The following HMBOX1 variants were observed in gnomAD, a reference collection of about 807,000 sequenced individuals.
HMBOX1 encodes homeobox containing 1.
A neutral mutation model predicts 54.5 loss-of-function variants in HMBOX1; 14 were observed. That is an observed-to-expected ratio of 0.26 (90% CI 0.17 to 0.40). The LOEUF is 0.40. Ranked by LOEUF, HMBOX1 falls within the 10% of genes least tolerant of loss-of-function variation. The pLI is 1.00. For synonymous variants in HMBOX1, 160 were observed against 181.0 expected (o/e 0.88, Z 0.93); for missense variants, 332 against 514.4 (o/e 0.65, Z 3.43).
At chr8:28,973,423 G>A (rs1414793458) in intron 3 of HMBOX1, among the ~76,000 whole-genome samples, 1 of 152,152 alleles carries the variant, frequency 6.6e-6, no homozygotes, top group Non-Finnish European at 1.5e-5. Context: ...AGTATGAATT[G>A]CCTTAATGGG....
intron 6 of HMBOX1, among the ~76,000 whole-genome samples, chr8:29,030,595 A>G (rs1452918943): frequency 6.6e-6 from 1 of 152,244 alleles, no homozygotes; most frequent in African/African-American, 2.4e-5. Flanking sequence ...TATTAAAATT[A>G]TATCACTCTA....
chr8:29,049,718 C>T (rs76052085), intron 9 of HMBOX1: 5,575 of 226,546 alleles, frequency 0.025, 143 homozygotes, highest in African/African-American at 0.075. Context: ...AGTCCCTCCT[C>T]GACCCCCACA....
intron 4 of HMBOX1, among the ~76,000 whole-genome samples, chr8:29,005,429 A>G (rs984579570): frequency 1.3e-5 from 2 of 152,250 alleles, no homozygotes; most frequent in African/African-American, 4.8e-5. Flanking sequence ...TGTTGTTACT[A>G]TACAGAATTT....
intron 1 of HMBOX1, among the ~76,000 whole-genome samples, chr8:28,926,720 A>G (rs925404858): frequency 1.2e-4 from 18 of 152,088 alleles, no homozygotes; most frequent in African/African-American, 3.6e-4. Flanking sequence ...AGTGTATACC[A>G]CCATGCCTAG....
intron 4 of HMBOX1, among the ~76,000 whole-genome samples, chr8:29,001,758 A>C (rs1293609981): frequency 6.6e-6 from 1 of 152,238 alleles, no homozygotes; most frequent in Non-Finnish European, 1.5e-5. Context: ...CTGTTTGTAA[A>C]ATATAACTCA....
At chr8:28,995,193 C>T (rs897992430) in intron 4 of HMBOX1, among the ~76,000 whole-genome samples, 1 of 152,262 alleles carries the variant, frequency 6.6e-6, no homozygotes. Context: ...CTGGTATGTA[C>T]TAATATACTT....
chr8:28,948,674 C>A (rs2132099319), intron 1 of HMBOX1, among the ~76,000 whole-genome samples: 1 of 152,260 alleles, frequency 6.6e-6, no homozygotes, highest in Admixed American at 6.5e-5. Flanking sequence ...AAGCACTAAC[C>A]TGGGAATCAG....
intron 4 of HMBOX1, among the ~76,000 whole-genome samples, chr8:28,992,631 G>T (rs114784481): frequency 1.1e-4 from 17 of 152,168 alleles, no homozygotes; most frequent in African/African-American, 4.1e-4. Flanking sequence ...AGCACTCTGG[G>T]AATCCGAGTG....
At chr8:28,925,013 T>A (rs1818207382) in intron 1 of HMBOX1, among the ~76,000 whole-genome samples, 1 of 137,998 alleles carries the variant, frequency 7.2e-6, no homozygotes, top group African/African-American at 3.0e-5. Context: ...TATTAGTGAT[T>A]TTTTTTTTTT....
At chr8:29,017,290 G>A (rs1355299125) in intron 5 of HMBOX1, among the ~76,000 whole-genome samples, 1 of 152,162 alleles carries the variant, frequency 6.6e-6, no homozygotes, top group Non-Finnish European at 1.5e-5. Flanking sequence ...CATTTTAGGA[G>A]ACCTAGGCAG....
At chr8:28,927,848 A>AAG (rs1481920237) in intron 1 of HMBOX1, among the ~76,000 whole-genome samples, 9 of 150,322 alleles carry the variant, frequency 6.0e-5, no homozygotes, top group Admixed American at 6.6e-5. Flanking sequence ...AAAAAAAAAA[A>AAG]AAAAAAAGCC....
intron 1 of HMBOX1, among the ~76,000 whole-genome samples, chr8:28,913,157 T>G (rs767402916): frequency 6.6e-6 from 1 of 152,190 alleles, no homozygotes. Context: ...TCCCTAGTGC[T>G]GGTCTTGCCC....
rs35597688 is a variant in HMBOX1, at chr8:29,026,043, TACACACACACAC to T, written c.851+7158_851+7169del. Among the ~76,000 whole-genome samples the T allele has an allele frequency of 3.8e-4, 54 of 143,580 alleles. 1 individual carries two copies. Among genetic ancestry groups the T allele is most frequent in the Admixed American group, 2.7e-3 (39 of 14,340 alleles). The allele number at this position is 143,580 out of a possible 152,430, so 94.2% of individuals were successfully genotyped here. A position where few individuals can be genotyped will look rare whatever the true frequency, so the allele number is the denominator to read the frequency against. ...CACAAACTACCTACTTGCTACCATG[TACACACACACAC>T]ACACACACACACACACACACACACA... On this transcript the variant is annotated intron_variant, in intron 6 of 9. Coordinates refer to ENST00000287701, the MANE Select transcript of HMBOX1 (RefSeq NM_001135726.3).
chr8:29,016,126 G>A (rs1834958930), intron 5 of HMBOX1, among the ~76,000 whole-genome samples: 1 of 152,124 alleles, frequency 6.6e-6, no homozygotes, highest in Non-Finnish European at 1.5e-5. Flanking sequence ...AAGCCCATTG[G>A]CCATAATACA....
rs1370963769 is a variant in HMBOX1, at chr8:29,051,691, A to C, written c.*536A>C. On this transcript the variant is annotated 3_prime_UTR_variant, in exon 10 of 10. Coordinates refer to ENST00000287701, the MANE Select transcript of HMBOX1 (RefSeq NM_001135726.3). ...TTCCAGCTGCAATAAGCCGTGCCTC[A>C]TTATAGCCACACTGTGGCTAGATTA... The C allele has an allele frequency of 1.4e-6, 1 of 693,388 alleles. No individual in the cohort carries two copies. The highest frequency in any genetic ancestry group is 1.8e-5 in the African/African-American group (1 of 56,526). 43.0% of individuals were successfully genotyped at this position (693,388 alleles called of 1,614,324 possible).
At chr8:28,952,695 A>G (rs1330079182) in intron 1 of HMBOX1, among the ~76,000 whole-genome samples, 1 of 152,238 alleles carries the variant, frequency 6.6e-6, no homozygotes, top group African/African-American at 2.4e-5. Context: ...GAAGATCTTT[A>G]TCAGTAAAAC....
intron 3 of HMBOX1, among the ~76,000 whole-genome samples, chr8:28,975,342 G>T (rs1828193811): frequency 6.6e-6 from 1 of 152,070 alleles, no homozygotes. Flanking sequence ...TGCAAGAAGA[G>T]ACCTTTTTTA....
At position 29,051,471 on chromosome 8, in the gene HMBOX1, T is replaced by A; in HGVS notation, c.*316T>A. On this transcript the variant is annotated 3_prime_UTR_variant, in exon 10 of 10. Transcript: ENST00000287701. ...CAGGTATTTAGATAGCCCTCAGTTC[T>A]CAAATATTAGACTACGTGTAAAATC... The A allele has an allele frequency of 1.4e-6, 1 of 696,968 alleles. No homozygotes were observed. The highest frequency in any genetic ancestry group is 2.6e-6 in the Non-Finnish European group (1 of 379,966). The allele number at this position is 696,968 out of a possible 1,614,324, so 43.2% of individuals were successfully genotyped here. A position where few individuals can be genotyped will look rare whatever the true frequency, so the allele number is the denominator to read the frequency against.
intron 3 of HMBOX1, among the ~76,000 whole-genome samples, chr8:28,979,218 T>A (rs1828946127): frequency 6.6e-6 from 1 of 152,214 alleles, no homozygotes; most frequent in African/African-American, 2.4e-5. Flanking sequence ...GAGAGATTGG[T>A]CGGTTTTAAG....
Sources: allele counts gnomAD v4.1 joint callset (sites outside exome capture counted in the v4.1 genomes callset), GRCh38; gene constraint gnomAD v4.1.1; transcripts MANE v1.5; gene names NCBI Gene and HGNC (gene_info 2026-07-23, HGNC 2026-07-21).